The following IMPG1 variants were observed in gnomAD, a reference collection of about 807,000 sequenced individuals.
IMPG1 encodes interphotoreceptor matrix proteoglycan of 150 kDa.
A neutral mutation model predicts 92.0 loss-of-function variants in IMPG1; 85 were observed. The observed-to-expected ratio is 0.92, with a 90% CI of 0.78 to 1.11. The LOEUF (loss-of-function observed/expected upper bound fraction) is 1.11. Among genes scored for constraint, IMPG1 ranks in the 50% least tolerant of loss-of-function variants. IMPG1 has a pLI of 0.00. For missense variants in IMPG1, 1,022 were observed against 956.0 expected, an observed-to-expected ratio of 1.07 and a Z score of -0.91; for synonymous variants, 367 against 334.1, an observed-to-expected ratio of 1.10 and a Z score of -1.08.
At chr6:75,938,166 C>T (rs1781779565) in intron 14 of IMPG1, among the ~76,000 whole-genome samples, 1 of 152,192 alleles carries the variant, frequency 6.6e-6, no homozygotes, top group Non-Finnish European at 1.5e-5. Flanking sequence ...AATAACAGCA[C>T]ATTGCTTCTC....
chr6:76,044,598 A>G (rs1783903951), intron 1 of IMPG1, among the ~76,000 whole-genome samples: 1 of 151,656 alleles, frequency 6.6e-6, no homozygotes, highest in Non-Finnish European at 1.5e-5. Context: ...AAGAGTATCT[A>G]CTCTACCCTG....
At chr6:75,957,116 C>T (rs992667304) in intron 12 of IMPG1, among the ~76,000 whole-genome samples, 1 of 152,082 alleles carries the variant, frequency 6.6e-6, no homozygotes, top group Non-Finnish European at 1.5e-5. Flanking sequence ...GATGGGGTTT[C>T]ACCATCTTGG....
intron 4 of IMPG1, among the ~76,000 whole-genome samples, chr6:76,031,820 A>C (rs1783657095): frequency 1.3e-5 from 2 of 152,220 alleles, no homozygotes; most frequent in African/African-American, 4.8e-5. Context: ...ATTAGTTACA[A>C]GTCAACAGTC....
intron 4 of IMPG1, among the ~76,000 whole-genome samples, chr6:76,027,549 T>A (rs1044623157): frequency 1.3e-5 from 2 of 152,228 alleles, no homozygotes; most frequent in East Asian, 1.9e-4. Context: ...AACTTTGGCC[T>A]AGGGTTAAAG....
intron 12 of IMPG1, among the ~76,000 whole-genome samples, chr6:75,971,999 C>T (rs980571363): frequency 2.6e-5 from 4 of 152,206 alleles, no homozygotes; most frequent in East Asian, 1.9e-4. Flanking sequence ...ACCTTTGGCA[C>T]GTATTCATCT....
In IMPG1 at chr6:76,034,999, CGTGTGT is replaced by C. The variant is rs148840963; in HGVS notation, c.302-218_302-213del. On this transcript the variant is annotated intron_variant, in intron 2 of 16. Transcript: ENST00000369950. ...GCAAGAAAATAGGGAATATTATGTG[CGTGTGT>C]GTGTGTGTGTGCGTGTGTGTGTGTG... Among the ~76,000 whole-genome samples the C allele has an allele frequency of 7.1e-4, 107 of 149,978 alleles. 1 individual carries two copies. Among genetic ancestry groups the C allele is most frequent in the Non-Finnish European group, 1.1e-3 (75 of 67,300 alleles).
chr6:75,948,766 A>AT (rs771394416), intron 13 of IMPG1, among the ~76,000 whole-genome samples: 17 of 152,182 alleles, frequency 1.1e-4, no homozygotes, highest in Non-Finnish European at 1.8e-4. Flanking sequence ...TAGAAAGCAC[A>AT]TTTTCCAGCC....
At chr6:76,014,088 G>A (rs374605851) in intron 7 of IMPG1, among the ~76,000 whole-genome samples, 1 of 152,182 alleles carries the variant, frequency 6.6e-6, no homozygotes, top group Non-Finnish European at 1.5e-5. Flanking sequence ...AAGATCCTGA[G>A]TTTATTGCTT....
chr6:75,988,021 T>C (rs11963204), intron 12 of IMPG1, among the ~76,000 whole-genome samples: 4,593 of 152,288 alleles, frequency 0.03, 217 homozygotes, highest in African/African-American at 0.1. Flanking sequence ...CAGTCTATCA[T>C]TGATGGACAT....
chr6:76,070,837 A>G (rs893831310), intron 1 of IMPG1, among the ~76,000 whole-genome samples: 3 of 152,066 alleles, frequency 2.0e-5, no homozygotes, highest in African/African-American at 7.2e-5. Context: ...GTGGAAGGGG[A>G]ATGAGGGATG....
At chr6:76,065,812 C>T (rs979212147) in intron 1 of IMPG1, among the ~76,000 whole-genome samples, 1 of 151,936 alleles carries the variant, frequency 6.6e-6, no homozygotes, top group Non-Finnish European at 1.5e-5. Context: ...GAAAAAAATC[C>T]TAAAATCAGC....
chr6:75,938,842 AAAAC>A, intron 14 of IMPG1, among the ~76,000 whole-genome samples: 1 of 151,076 alleles, frequency 6.6e-6, no homozygotes, highest in African/African-American at 2.5e-5. Flanking sequence ...AAAACAAAAC[AAAAC>A]AAAAAAATAC....
rs61113058 is a variant in IMPG1 at position 75,961,700 on chromosome 6, G to T, written c.1292-10606C>A. ...TTGAGAATAGACCTGAAGGAGATGA[G>T]TTAGCCATGCAGCAAATGCAAGTGA... On this transcript the variant is annotated intron_variant, in intron 12 of 16. Transcript: ENST00000369950. Among the ~76,000 whole-genome samples the T allele has an allele frequency of 1.8e-3, 270 of 152,308 alleles. 1 individual carries two copies. The highest frequency in any genetic ancestry group is 6.2e-3 in the African/African-American group (258 of 41,578).
At chr6:75,995,442 A>G (rs931921007) in intron 12 of IMPG1, among the ~76,000 whole-genome samples, 1 of 151,998 alleles carries the variant, frequency 6.6e-6, no homozygotes, top group Non-Finnish European at 1.5e-5. Flanking sequence ...GGCTTTCTTC[A>G]CTTTCCTTCA....
At chr6:76,055,634 T>A (rs1164188712) in intron 1 of IMPG1, among the ~76,000 whole-genome samples, 3 of 151,472 alleles carry the variant, frequency 2.0e-5, no homozygotes, top group Middle Eastern at 3.6e-3. Context: ...AAAATACTGA[T>A]AACAAAAACA....
At chr6:76,054,618 A>G (rs971458479) in intron 1 of IMPG1, among the ~76,000 whole-genome samples, 1 of 152,148 alleles carries the variant, frequency 6.6e-6, no homozygotes, top group Non-Finnish European at 1.5e-5. Context: ...ATGAAGTCAG[A>G]GCGTTGCTGG....
chr6:75,975,036 A>G (rs1445366771), intron 12 of IMPG1, among the ~76,000 whole-genome samples: 2 of 152,256 alleles, frequency 1.3e-5, no homozygotes, highest in Non-Finnish European at 2.9e-5. Context: ...GTGAATCAGA[A>G]CTAAAATGGA....
rs148076080 is a variant in IMPG1, at chr6:76,041,356, A to G, written c.301+537T>C. Reference sequence around the variant, plus strand: ...TAAATTCTGCTAACACTCTTGCATTATATCTTGGTAACCACTCTTTATTTG... The same window carrying G: ...TAAATTCTGCTAACACTCTTGCATTGTATCTTGGTAACCACTCTTTATTTG... On this transcript the variant is annotated intron_variant, in intron 2 of 16. Coordinates refer to ENST00000369950, the MANE Select transcript of IMPG1 (RefSeq NM_001563.4). Among the ~76,000 whole-genome samples, 379 of 152,302 alleles carry G rather than the reference A, an allele frequency of 2.5e-3. 4 individuals are homozygous for G. The highest frequency in any genetic ancestry group is 8.7e-3 in the African/African-American group (363 of 41,562).
chr6:75,938,143 C>T (rs1462479878), intron 14 of IMPG1, among the ~76,000 whole-genome samples: 2 of 152,204 alleles, frequency 1.3e-5, no homozygotes, highest in Admixed American at 6.5e-5. Flanking sequence ...GGGAATGGCA[C>T]ACCTAGTGCA....
Sources: gnomAD v4.1 joint callset for allele counts (sites outside exome capture counted in the v4.1 genomes callset) on GRCh38, gnomAD v4.1.1 for gene constraint, MANE v1.5 for transcripts, NCBI Gene and HGNC (gene_info 2026-07-23, HGNC 2026-07-21) for gene names.